Variants in RPRD1A observed in about 807,000 individuals in gnomAD.
RPRD1A encodes regulation of nuclear pre-mRNA domain containing 1A.
A neutral mutation model predicts 37.8 loss-of-function variants in RPRD1A; 9 were observed. The ratio of observed to expected loss-of-function variants is 0.24; its 90% CI spans 0.14 to 0.42. The LOEUF (loss-of-function observed/expected upper bound fraction) is 0.42. Among genes scored for constraint, RPRD1A ranks in the 10% least tolerant of loss-of-function variants. The probability of loss-of-function intolerance (pLI) is 1.00; values close to 1 mark genes in which losing one functional copy is unlikely to be tolerated. For synonymous variants in RPRD1A, 138 were observed against 139.7 expected (o/e 0.99, Z 0.08); for missense variants, 255 against 371.0 (o/e 0.69, Z 2.57).
chr18:36,060,355 C>T (rs1360112148), intron 1 of RPRD1A, among the ~76,000 whole-genome samples: 2 of 151,992 alleles, frequency 1.3e-5, no homozygotes, highest in Non-Finnish European at 1.5e-5. Context: ...ATGGCATGAA[C>T]CCGGGAAGGT....
chr18:36,032,441 G>A (rs1911858810), intron 2 of RPRD1A, among the ~76,000 whole-genome samples: 1 of 152,194 alleles, frequency 6.6e-6, no homozygotes, highest in African/African-American at 2.4e-5. Context: ...CGAGACAGAG[G>A]TCTGGGGAGA....
At chr18:36,046,864 C>T (rs986011867) in intron 1 of RPRD1A, among the ~76,000 whole-genome samples, 3 of 148,162 alleles carry the variant, frequency 2.0e-5, no homozygotes, top group African/African-American at 7.5e-5. Flanking sequence ...CATAACATAA[C>T]CTCCCAAAAT....
intron 4 of RPRD1A, among the ~76,000 whole-genome samples, 159 bp downstream of exon 4, chr18:36,030,649 T>C (rs987998740): frequency 4.6e-5 from 7 of 152,214 alleles, no homozygotes; most frequent in East Asian, 1.9e-4. Context: ...ACATTTAACA[T>C]AAGCAATTTG....
rs753901392 is a variant in RPRD1A, at chr18:36,067,312, A to T, written c.93T>A (p.Ile31=). Residue 31 remains isoleucine, a synonymous_variant, in exon 1 of 7, where the codon ATT becomes ATA. Transcript: ENST00000399022. The stretch of plus-strand genomic sequence containing the variant: ...TGGGACGCGAGTGTTTACGGTGGTG[A>T]ATGAGCCACAGGGACAAGGTCTGCA... ...QSVQTLSLWL[I]HHRKHSRPIV... 6 of 1,607,260 alleles carry T rather than the reference A, an allele frequency of 3.7e-6. No homozygotes were observed. Among genetic ancestry groups the T allele is most frequent in the Non-Finnish European group, 4.2e-6 (5 of 1,177,156 alleles).
chr18:36,027,504 A>G, intron 4 of RPRD1A, 194 bp from the exon 5 acceptor site: 1 of 562,074 alleles, frequency 1.8e-6, no homozygotes. Context: ...TGTTGAAAAT[A>G]TAAACAGGAC....
At chr18:36,021,322 C>CT (rs1910980520) in intron 6 of RPRD1A, among the ~76,000 whole-genome samples, 1 of 148,544 alleles carries the variant, frequency 6.7e-6, no homozygotes, top group South Asian at 2.1e-4. Flanking sequence ...ACTTAAGTGT[C>CT]TGTCAAATTT....
chr18:36,014,470 G>T (rs1290236829), intron 6 of RPRD1A, among the ~76,000 whole-genome samples: 1 of 152,254 alleles, frequency 6.6e-6, no homozygotes, highest in East Asian at 1.9e-4. Flanking sequence ...TGGGCGCCAT[G>T]GCTCACGCCT....
At chr18:36,001,975 C>G (rs1431274576) in intron 6 of RPRD1A, among the ~76,000 whole-genome samples, 1 of 152,054 alleles carries the variant, frequency 6.6e-6, no homozygotes, top group Non-Finnish European at 1.5e-5. Flanking sequence ...CTGAGAAGTC[C>G]ATAATTTATC....
At chr18:36,062,398 A>C (rs566125679) in intron 1 of RPRD1A, among the ~76,000 whole-genome samples, 145 of 151,682 alleles carry the variant, frequency 9.6e-4, no homozygotes, top group African/African-American at 3.4e-3. Flanking sequence ...AAGGTTGAAC[A>C]TAGGATTCCC....
rs1651270857 is a variant in RPRD1A, at chr18:35,991,603, C to CAGTTTT, written c.*1547_*1548insAAAACT. The CAGTTTT allele has an allele frequency of 6.6e-6, 1 of 152,154 alleles. No homozygotes were observed. Among genetic ancestry groups the CAGTTTT allele is most frequent in the African/African-American group, 2.4e-5 (1 of 41,450 alleles). 9.4% of individuals were successfully genotyped at this position (152,154 alleles called of 1,614,324 possible). ...ACTATTCTTTCTGTGAGAAAATGCA[C>CAGTTTT]CCCAAGTCCCAAAAGTTGACTAAAA... On this transcript the variant is annotated 3_prime_UTR_variant, in exon 7 of 7. Transcript: ENST00000399022.
intron 6 of RPRD1A, among the ~76,000 whole-genome samples, chr18:35,999,402 G>A (rs1909283864): frequency 6.6e-6 from 1 of 152,166 alleles, no homozygotes; most frequent in Non-Finnish European, 1.5e-5. Context: ...ATTAGGAAGT[G>A]CTATATAATT....
intron 4 of RPRD1A, among the ~76,000 whole-genome samples, chr18:36,030,184 T>C (rs1377020801): frequency 2.0e-5 from 3 of 151,644 alleles, no homozygotes; most frequent in African/African-American, 7.3e-5. Flanking sequence ...AAAATTTTAG[T>C]GTATTTAAAT....
In RPRD1A at chr18:36,067,410, C is replaced by G. The variant is rs374844551; in HGVS notation, c.-6G>C. ...GCCTCAGAGAAGGCTGACATCCCTC[C>G]GACACCACGTTCACGCCGTCCCACG... On this transcript the variant is annotated 5_prime_UTR_variant, in exon 1 of 7. Coordinates refer to ENST00000399022, the MANE Select transcript of RPRD1A (RefSeq NM_018170.5). The G allele has an allele frequency of 6.2e-7, 1 of 1,604,838 alleles. No individual in the cohort carries two copies. The highest frequency in any genetic ancestry group is 8.5e-7 in the Non-Finnish European group (1 of 1,175,896).
chr18:36,008,577 G>GTGTGTGTGTGTGTA, intron 6 of RPRD1A, among the ~76,000 whole-genome samples: 1 of 47,800 alleles, frequency 2.1e-5, no homozygotes, highest in South Asian at 9.1e-4. Flanking sequence ...CCTTGTGTGT[G>GTGTGTGTGTGTGTA]TATATATATA....
At chr18:36,039,449 GATCA>G (rs1192612908) in intron 1 of RPRD1A, among the ~76,000 whole-genome samples, 3 of 152,090 alleles carry the variant, frequency 2.0e-5, no homozygotes, top group Non-Finnish European at 2.9e-5. Context: ...TCATCTAAAA[GATCA>G]ATTAACAAGC....
chr18:36,027,150 C>CA (rs1911428781), intron 5 of RPRD1A, 34 bp downstream of exon 5: 2 of 1,612,700 alleles, frequency 1.2e-6, no homozygotes, highest in Non-Finnish European at 1.7e-6. Context: ...TCCCAACTCC[C>CA]AAAAAAGTTC....
At chr18:36,011,474 TAAG>T (rs1910176391) in intron 6 of RPRD1A, among the ~76,000 whole-genome samples, 1 of 151,964 alleles carries the variant, frequency 6.6e-6, no homozygotes, top group Non-Finnish European at 1.5e-5. Flanking sequence ...AATATATTCT[TAAG>T]AAATCAGCAG....
chr18:36,000,109 C>A (rs1193727552), intron 6 of RPRD1A, among the ~76,000 whole-genome samples: 5 of 152,048 alleles, frequency 3.3e-5, no homozygotes, highest in African/African-American at 1.2e-4. Flanking sequence ...GTTTCTGAGA[C>A]TGCAGATTAG....
At chr18:35,996,977 CAAAAA>C (rs200694089) in intron 6 of RPRD1A, among the ~76,000 whole-genome samples, 7 of 55,620 alleles carry the variant, frequency 1.3e-4, no homozygotes, top group African/African-American at 5.3e-4. Flanking sequence ...GACCCTGTCT[CAAAAA>C]AAAAAAAAAA....
Sources: gnomAD v4.1 joint callset for allele counts (sites outside exome capture counted in the v4.1 genomes callset) on GRCh38, gnomAD v4.1.1 for gene constraint, MANE v1.5 for transcripts, NCBI Gene and HGNC (gene_info 2026-07-23, HGNC 2026-07-21) for gene names.